UBE3C: variants seen among roughly 807,000 people sequenced by gnomAD.
The protein encoded by UBE3C is ubiquitin-protein ligase E3C.
A neutral mutation model predicts 129.4 loss-of-function variants in UBE3C; 42 were observed. The ratio of observed to expected loss-of-function variants is 0.32; its 90% CI spans 0.25 to 0.42. The LOEUF (loss-of-function observed/expected upper bound fraction) is 0.42, where lower values mean the gene tolerates loss of function less well. UBE3C is among the 10% of genes least tolerant of loss of function. UBE3C has a pLI of 1.00. For missense variants in UBE3C, 1,049 were observed against 1,319.1 expected, an observed-to-expected ratio of 0.80 and a Z score of 3.17; for synonymous variants, 510 against 492.4, an observed-to-expected ratio of 1.04 and a Z score of -0.47.
At chr7:157,149,023 G>T (rs1807683703) in intron 1 of UBE3C, among the ~76,000 whole-genome samples, 1 of 152,024 alleles carries the variant, frequency 6.6e-6, no homozygotes, top group Non-Finnish European at 1.5e-5. Context: ...AGGAGCAAAA[G>T]ACTGTAGTTC....
intron 4 of UBE3C, among the ~76,000 whole-genome samples, chr7:157,173,200 C>T (rs1178405355): frequency 6.6e-6 from 1 of 152,116 alleles, no homozygotes; most frequent in Non-Finnish European, 1.5e-5. Flanking sequence ...ATACCAGACC[C>T]CACCTGTAAA....
intron 18 of UBE3C, among the ~76,000 whole-genome samples, chr7:157,242,570 A>G (rs1796367677): frequency 7.0e-6 from 1 of 142,284 alleles, no homozygotes; most frequent in Admixed American, 7.2e-5. Flanking sequence ...GCAGGAGTGT[A>G]AAACTGTCCT....
chr7:157,225,477 A>T lies in UBE3C; in HGVS notation c.2171A>T (p.Asn724Ile), dbSNP rs373720494. Residue 724 changes from asparagine (N) to isoleucine (I), a missense_variant, in exon 17 of 23, where the codon AAT (asparagine) becomes ATT (isoleucine). Asn to Ile is a moderately radical substitution (Grantham distance 149, BLOSUM62 -3). Transcript: ENST00000348165. ...QGDGPFLDGI[N>I]VTIRRNYIYE... The stretch of plus-strand genomic sequence containing the variant: ...GATGGTCCATTTCTGGATGGAATTA[A>T]TGTCACAATAAGAAGAAATTACATT... The T allele has an allele frequency of 6.2e-6, 10 of 1,605,580 alleles. No individual in the cohort carries two copies. In the African/African-American group the frequency reaches 1.3e-4, roughly 22 times the overall value.
intron 1 of UBE3C, among the ~76,000 whole-genome samples, chr7:157,158,004 A>AGG (rs1263114140): frequency 8.1e-5 from 12 of 148,554 alleles, no homozygotes; most frequent in African/African-American, 3.0e-4. Context: ...AGAGAGAGAG[A>AGG]GATACATATA....
chr7:157,201,898 T>G, intron 11 of UBE3C, 91 bp downstream of exon 11: 3 of 1,011,210 alleles, frequency 3.0e-6, no homozygotes, highest in Non-Finnish European at 4.5e-6. Flanking sequence ...TTTTAAGTCC[T>G]GTTTATACTG....
intron 10 of UBE3C, among the ~76,000 whole-genome samples, chr7:157,191,632 G>A (rs962194054): frequency 6.6e-6 from 1 of 152,160 alleles, no homozygotes; most frequent in Non-Finnish European, 1.5e-5. Context: ...TTTGCCATGT[G>A]TTTTCTAAGA....
chr7:157,254,976 G>C (rs537077804), intron 21 of UBE3C, among the ~76,000 whole-genome samples: 15 of 123,464 alleles, frequency 1.2e-4, no homozygotes, highest in Non-Finnish European at 1.8e-4. Flanking sequence ...GTCCCGGCGT[G>C]GTGGCGTACA....
At chr7:157,208,160 G>C (rs1183938033) in intron 13 of UBE3C, among the ~76,000 whole-genome samples, 1 of 132,288 alleles carries the variant, frequency 7.6e-6, no homozygotes, top group Non-Finnish European at 1.6e-5. Context: ...CTGCAGCCTT[G>C]AACTCCTGGG....
chr7:157,231,515 C>T (rs1584806432), intron 18 of UBE3C, 188 bp downstream of exon 18: 1 of 746,022 alleles, frequency 1.3e-6, no homozygotes, highest in East Asian at 2.9e-5. Context: ...TTGAATGTCC[C>T]CTCCAAACTC....
chr7:157,256,882 A>G, intron 21 of UBE3C, 32 bp from the exon 22 acceptor site: 6 of 1,612,980 alleles, frequency 3.7e-6, no homozygotes, highest in South Asian at 1.1e-5. Flanking sequence ...TGTGCTTTGC[A>G]TTTCATAAAG....
rs557011867 is a variant in UBE3C at position 157,239,427 on chromosome 7, C to T, written c.2481+8100C>T. Among the ~76,000 whole-genome samples the T allele has an allele frequency of 9.8e-4, 149 of 152,290 alleles. 3 individuals carry two copies. Among genetic ancestry groups the T allele is most frequent in the South Asian group, 1.2e-3 (6 of 4,824 alleles). ...GTTTTTGGAAGGCAGGATCCTGATG[C>T]TCCTGGGAGGGTAACACTGGAAGGG... On this transcript the variant is annotated intron_variant, in intron 18 of 22. Coordinates refer to ENST00000348165, the MANE Select transcript of UBE3C (RefSeq NM_014671.3).
chr7:157,268,611 T>C lies in UBE3C; in HGVS notation c.*856T>C, dbSNP rs1797141448. ...GGCGGCTGCATCTTTGTCCCGATGC[T>C]AGCCGTGCCGGTCTCCCATCATCCG... On this transcript the variant is annotated 3_prime_UTR_variant, in exon 23 of 23. Transcript: ENST00000348165. The C allele has an allele frequency of 6.5e-6, 1 of 152,686 alleles. No individual in the cohort carries two copies. The highest frequency in any genetic ancestry group is 1.5e-5 in the Non-Finnish European group (1 of 68,064). The allele number at this position is 152,686 out of a possible 1,614,324, so 9.5% of individuals were successfully genotyped here.
rs181244573 is a variant in UBE3C at position 157,202,379 on chromosome 7, G to A, written c.1418+572G>A. On this transcript the variant is annotated intron_variant, in intron 11 of 22. Transcript: ENST00000348165. ...CCTCTGCCAGAAGTCTAAGCCGGCC[G>A]GGCGCGGTGGCTCACGCCTGTAATT... Among the ~76,000 whole-genome samples, 453 of 152,278 alleles carry A rather than the reference G, an allele frequency of 3.0e-3. 2 individuals are homozygous for A. Among genetic ancestry groups the A allele is most frequent in the African/African-American group, 0.01 (428 of 41,540 alleles).
intron 2 of UBE3C, 114 bp downstream of exon 2, chr7:157,163,977 ATG>A: frequency 3.4e-6 from 3 of 875,384 alleles, no homozygotes; most frequent in Non-Finnish European, 5.2e-6. Flanking sequence ...ATATGACAGA[ATG>A]TGTGTGTATG....
chr7:157,163,388 CAAAA>C (rs367764291), intron 1 of UBE3C, among the ~76,000 whole-genome samples: 5,561 of 95,206 alleles, frequency 0.058, 145 homozygotes, highest in Non-Finnish European at 0.086. Context: ...GACTCCATCT[CAAAA>C]AAAAAAAAAA....
At chr7:157,194,570 A>G (rs1291747036) in intron 10 of UBE3C, among the ~76,000 whole-genome samples, 1 of 152,246 alleles carries the variant, frequency 6.6e-6, no homozygotes, top group African/African-American at 2.4e-5. Context: ...CATGCCAGAA[A>G]GAAGCCAAAT....
At chr7:157,257,357 T>G (rs1796778368) in intron 22 of UBE3C, among the ~76,000 whole-genome samples, 1 of 152,230 alleles carries the variant, frequency 6.6e-6, no homozygotes, top group Non-Finnish European at 1.5e-5. Context: ...GTAACACATC[T>G]TGGGCTTTTT....
chr7:157,201,279 G>A (rs1349919234), intron 10 of UBE3C, among the ~76,000 whole-genome samples: 1 of 152,028 alleles, frequency 6.6e-6, no homozygotes, highest in Non-Finnish European at 1.5e-5. Context: ...AGCCAAGATC[G>A]TGGCACTGCA....
chr7:157,209,464 G>A (rs1476881404), intron 13 of UBE3C, among the ~76,000 whole-genome samples: 1 of 152,172 alleles, frequency 6.6e-6, no homozygotes, highest in Non-Finnish European at 1.5e-5. Context: ...CTTTCTTAAA[G>A]ATTGACAAAT....
Sources: gnomAD v4.1 joint callset for allele counts (sites outside exome capture counted in the v4.1 genomes callset) on GRCh38, gnomAD v4.1.1 for gene constraint, MANE v1.5 for transcripts, NCBI Gene and HGNC (gene_info 2026-07-23, HGNC 2026-07-21) for gene names.